SLCO3A1: variants seen among roughly 807,000 people sequenced by gnomAD.
SLCO3A1 encodes the protein PGE1 transporter.
SLCO3A1 carries 27 observed loss-of-function variants against 63.1 expected under a neutral mutation model. That is an observed-to-expected ratio of 0.43 (90% CI 0.32 to 0.59). The LOEUF is 0.59. Among genes scored for constraint, SLCO3A1 ranks in the 20% least tolerant of loss-of-function variants. The pLI, the probability that SLCO3A1 is intolerant of heterozygous loss-of-function variation, is 0.09. For missense variants in SLCO3A1, 773 were observed against 945.8 expected (o/e 0.82, Z 2.40); for synonymous variants, 473 against 409.9 (o/e 1.15, Z -1.86).
chr15:92,067,301 G>A (rs191038795), intron 2 of SLCO3A1, among the ~76,000 whole-genome samples: 1 of 152,276 alleles, frequency 6.6e-6, no homozygotes, highest in East Asian at 1.9e-4. Flanking sequence ...GGCCAAGTTC[G>A]ATCCCCTCCT....
rs577495165 is a variant in SLCO3A1 at position 92,128,893 on chromosome 15, C to A, written c.1512+404C>A. Among the ~76,000 whole-genome samples the A allele has an allele frequency of 4.6e-5, 7 of 152,324 alleles. No individual in the cohort carries two copies. In the South Asian group the frequency reaches 1.5e-3, roughly 32 times the overall value. On this transcript the variant is annotated intron_variant, in intron 7 of 9. Coordinates refer to ENST00000318445, the MANE Select transcript of SLCO3A1 (RefSeq NM_013272.4). ...TTCCAGACCTGAAACACTCTGACAC[C>A]AATTCAGCTTCTTTCCTACCCAGTT...
At position 91,975,509 on chromosome 15, in the gene SLCO3A1, A is replaced by G. The variant is rs562330524; in HGVS notation, c.646+59051A>G. Among the ~76,000 whole-genome samples the G allele has an allele frequency of 3.9e-4, 60 of 152,350 alleles. No individual in the cohort carries two copies. In the South Asian group the frequency reaches 4.6e-3, roughly 12 times the overall value. On this transcript the variant is annotated intron_variant, in intron 2 of 9. Coordinates refer to ENST00000318445, the MANE Select transcript of SLCO3A1 (RefSeq NM_013272.4). ...GCTGTCATGCCACACACTTGGTGAGAGCCCTGCTTATGAAGCAGCTGTGTA... is the reference window on the plus strand; with the variant it reads ...GCTGTCATGCCACACACTTGGTGAGGGCCCTGCTTATGAAGCAGCTGTGTA...
At chr15:92,149,770 G>A (rs1364663106) in intron 8 of SLCO3A1, 1 of 152,166 alleles carries the variant, frequency 6.6e-6, no homozygotes, top group African/African-American at 2.4e-5. Context: ...TTTGTTCCTA[G>A]TGACATATGA....
chr15:92,080,942 G>C (rs1299961500), intron 2 of SLCO3A1, among the ~76,000 whole-genome samples: 1 of 88,944 alleles, frequency 1.1e-5, no homozygotes, highest in Non-Finnish European at 2.6e-5. Flanking sequence ...TAGTAGCTGT[G>C]TGTGTGTGTG....
At chr15:91,933,369 T>G (rs1899300271) in intron 2 of SLCO3A1, among the ~76,000 whole-genome samples, 1 of 152,246 alleles carries the variant, frequency 6.6e-6, no homozygotes, top group South Asian at 2.1e-4. Flanking sequence ...CTGTCATTTC[T>G]GTTCCATTTC....
chr15:92,052,835 T>G (rs998171282), intron 2 of SLCO3A1, among the ~76,000 whole-genome samples: 4 of 152,132 alleles, frequency 2.6e-5, no homozygotes, highest in Non-Finnish European at 4.4e-5. Context: ...TTTTTTTTCC[T>G]TTTACAGGTT....
At chr15:92,038,570 G>A (rs1310311331) in intron 2 of SLCO3A1, among the ~76,000 whole-genome samples, 6 of 152,098 alleles carry the variant, frequency 3.9e-5, no homozygotes, top group Non-Finnish European at 8.8e-5. Context: ...TCTTCAAGGG[G>A]AGCTACAAAC....
intron 4 of SLCO3A1, among the ~76,000 whole-genome samples, chr15:92,118,785 G>A (rs763225436): frequency 1.2e-4 from 19 of 152,034 alleles, no homozygotes; most frequent in Non-Finnish European, 2.2e-4. Flanking sequence ...TGTTTTATCT[G>A]TTCTGTTTGC....
At chr15:92,021,757 A>G (rs919624859) in intron 2 of SLCO3A1, among the ~76,000 whole-genome samples, 5 of 152,168 alleles carry the variant, frequency 3.3e-5, no homozygotes, top group Admixed American at 6.5e-5. Flanking sequence ...GTTCACATAC[A>G]TAGTCGAGGT....
At chr15:92,109,416 A>G (rs1440391270) in intron 4 of SLCO3A1, among the ~76,000 whole-genome samples, 1 of 152,150 alleles carries the variant, frequency 6.6e-6, no homozygotes, top group Non-Finnish European at 1.5e-5. Flanking sequence ...GTGTCCCCTA[A>G]AAAGATGGGT....
intron 2 of SLCO3A1, among the ~76,000 whole-genome samples, chr15:91,957,116 A>ATTATATATATAATATATAGTATATAAT (rs1271110657): frequency 8.4e-5 from 1 of 11,880 alleles, no homozygotes; most frequent in African/African-American, 1.3e-3. Flanking sequence ...ATATATATAT[A>ATTATATATATAATATATAGTATATAAT]ATATATATAA....
intron 4 of SLCO3A1, among the ~76,000 whole-genome samples, chr15:92,117,347 C>T (rs547095375): frequency 6.6e-6 from 1 of 152,270 alleles, no homozygotes; most frequent in Non-Finnish European, 1.5e-5. Flanking sequence ...TGTGACCAAG[C>T]GTGGCTGTGA....
rs201343660 is a variant in SLCO3A1, at chr15:92,162,748, G to C, written c.1754-8G>C. The stretch of plus-strand genomic sequence containing the variant: ...TCCAGAACCTTAACATTCTTTTCCC[G>C]GTAACAGGCTTCATCCCTCCACCCC... On this transcript the variant is annotated splice_region_variant and splice_polypyrimidine_tract_variant and intron_variant, in intron 9 of 9. Transcript: ENST00000318445. The C allele has an allele frequency of 4.4e-6, 7 of 1,605,014 alleles. No homozygotes were observed. The highest frequency in any genetic ancestry group is 2.2e-5 in the East Asian group (1 of 44,752).
intron 7 of SLCO3A1, among the ~76,000 whole-genome samples, chr15:92,142,321 A>G (rs754305277): frequency 6.6e-6 from 1 of 152,232 alleles, no homozygotes; most frequent in Non-Finnish European, 1.5e-5. Flanking sequence ...CAACACATTT[A>G]TCGCAGCTCT....
intron 7 of SLCO3A1, among the ~76,000 whole-genome samples, chr15:92,128,991 G>T (rs773814310): frequency 7.9e-5 from 12 of 152,176 alleles, no homozygotes; most frequent in Non-Finnish European, 1.8e-4. Flanking sequence ...TTGGGAGGAG[G>T]TGGGTTGCTT....
chr15:92,121,879 T>C (rs2047866903), intron 5 of SLCO3A1, among the ~76,000 whole-genome samples: 1 of 152,202 alleles, frequency 6.6e-6, no homozygotes, highest in African/African-American at 2.4e-5. Flanking sequence ...CTCTGTTGGC[T>C]TTAATGATGA....
chr15:92,149,950 C>T (rs559181152), intron 8 of SLCO3A1, among the ~76,000 whole-genome samples: 1 of 152,116 alleles, frequency 6.6e-6, no homozygotes, highest in Non-Finnish European at 1.5e-5. Context: ...CTTTGAAGAA[C>T]TTGGATTTTG....
At chr15:92,066,736 C>G (rs990852330) in intron 2 of SLCO3A1, among the ~76,000 whole-genome samples, 1 of 152,158 alleles carries the variant, frequency 6.6e-6, no homozygotes, top group Non-Finnish European at 1.5e-5. Flanking sequence ...CAGCCAGGGC[C>G]CATTGCCTGC....
chr15:92,119,271 C>T (rs1186739177), intron 4 of SLCO3A1, among the ~76,000 whole-genome samples: 1 of 152,106 alleles, frequency 6.6e-6, no homozygotes, highest in Admixed American at 6.5e-5. Context: ...ATTTTAAAAG[C>T]ACCAATTTAA....
Sources: gnomAD v4.1 joint callset for allele counts (sites outside exome capture counted in the v4.1 genomes callset) on GRCh38, gnomAD v4.1.1 for gene constraint, MANE v1.5 for transcripts, NCBI Gene and HGNC (gene_info 2026-07-23, HGNC 2026-07-21) for gene names.